TMEM131: variants seen among roughly 807,000 people sequenced by gnomAD.
TMEM131 encodes 2610524E03Rik.
A neutral mutation model predicts 211.6 loss-of-function variants in TMEM131; 66 were observed. The ratio of observed to expected loss-of-function variants is 0.31; its 90% CI spans 0.26 to 0.38. The LOEUF (loss-of-function observed/expected upper bound fraction) is 0.38. Ranked by LOEUF, TMEM131 falls within the 10% of genes least tolerant of loss-of-function variation. TMEM131 has a pLI of 1.00. For missense variants in TMEM131, 2,036 were observed against 2,299.3 expected (o/e 0.89, Z 2.34); for synonymous variants, 844 against 841.3 (o/e 1.00, Z -0.06).
chr2:97,908,366 A>G (rs756116216), intron 3 of TMEM131, among the ~76,000 whole-genome samples: 4 of 152,178 alleles, frequency 2.6e-5, no homozygotes, highest in African/African-American at 4.8e-5. Context: ...TAGCCACAAG[A>G]GAAGCCTCTA....
chr2:97,959,157 CAGG>C (rs1416096684), intron 1 of TMEM131, among the ~76,000 whole-genome samples: 2 of 152,106 alleles, frequency 1.3e-5, no homozygotes, highest in African/African-American at 2.4e-5. Flanking sequence ...GTCAAGAAAA[CAGG>C]AGAAGAGAAA....
intron 1 of TMEM131, among the ~76,000 whole-genome samples, chr2:97,991,273 G>A (rs1480440234): frequency 1.3e-5 from 2 of 152,118 alleles, no homozygotes; most frequent in African/African-American, 2.4e-5. Flanking sequence ...ACACAATTAG[G>A]TGTCAAAATG....
At chr2:97,809,379 G>A (rs1026217722) in intron 19 of TMEM131, among the ~76,000 whole-genome samples, 4 of 152,082 alleles carry the variant, frequency 2.6e-5, no homozygotes, top group Admixed American at 2.0e-4. Context: ...ATTCTAAGCT[G>A]GCTCCCATAG....
chr2:97,857,507 T>C (rs1165497423), intron 5 of TMEM131, among the ~76,000 whole-genome samples: 1 of 152,254 alleles, frequency 6.6e-6, no homozygotes, highest in Non-Finnish European at 1.5e-5. Flanking sequence ...TTGCTTGACT[T>C]AGCAAAAAGT....
chr2:97,961,152 G>A (rs1319378903), intron 1 of TMEM131, among the ~76,000 whole-genome samples: 4 of 150,626 alleles, frequency 2.7e-5, no homozygotes, highest in Non-Finnish European at 5.9e-5. Flanking sequence ...AAAAAAAGGT[G>A]CTATTAGAAC....
intron 1 of TMEM131, among the ~76,000 whole-genome samples, chr2:97,950,618 C>A (rs1372540887): frequency 6.6e-6 from 1 of 152,146 alleles, no homozygotes; most frequent in African/African-American, 2.4e-5. Context: ...CAGTTAACAT[C>A]ACTGACTTAG....
intron 7 of TMEM131, among the ~76,000 whole-genome samples, chr2:97,839,319 CCAACCAACCAA>C (rs1683084842): frequency 2.1e-5 from 1 of 47,316 alleles, no homozygotes; most frequent in African/African-American, 2.9e-4. Flanking sequence ...GGAAAACCAA[CCAACCAACCAA>C]CCAACCAACC....
intron 31 of TMEM131, among the ~76,000 whole-genome samples, chr2:97,776,448 T>G (rs765859061): frequency 6.8e-6 from 1 of 147,028 alleles, no homozygotes; most frequent in Non-Finnish European, 1.5e-5. Flanking sequence ...AAAAGGTTTC[T>G]TTTTTTCTTC....
At chr2:97,938,472 G>T (rs535284387) in intron 1 of TMEM131, among the ~76,000 whole-genome samples, 3 of 152,136 alleles carry the variant, frequency 2.0e-5, no homozygotes, top group Non-Finnish European at 4.4e-5. Context: ...TCAACAAGAA[G>T]AACTAACTAT....
intron 1 of TMEM131, among the ~76,000 whole-genome samples, chr2:97,973,612 C>T (rs1477407096): frequency 6.6e-6 from 1 of 152,206 alleles, no homozygotes; most frequent in African/African-American, 2.4e-5. Flanking sequence ...CGGTGAAGTA[C>T]TGATCAGTGC....
chr2:97,925,461 T>A (rs1223724129), intron 2 of TMEM131, among the ~76,000 whole-genome samples: 2 of 152,210 alleles, frequency 1.3e-5, no homozygotes, highest in East Asian at 3.9e-4. Flanking sequence ...TTCTGGATGC[T>A]AAATCTTAGT....
chr2:97,789,578 T>C (rs555228330), intron 31 of TMEM131, among the ~76,000 whole-genome samples: 1 of 152,350 alleles, frequency 6.6e-6, no homozygotes, highest in South Asian at 2.1e-4. Flanking sequence ...ACCTGCCTAA[T>C]GGCAGAACGT....
intron 1 of TMEM131, among the ~76,000 whole-genome samples, chr2:97,948,358 A>G (rs1678143090): frequency 6.6e-6 from 1 of 152,204 alleles, no homozygotes; most frequent in Non-Finnish European, 1.5e-5. Flanking sequence ...ATAAGAAAAC[A>G]AACAGCTCAA....
At chr2:97,958,489 T>C (rs1678671950) in intron 1 of TMEM131, among the ~76,000 whole-genome samples, 2 of 152,194 alleles carry the variant, frequency 1.3e-5, no homozygotes, top group Admixed American at 1.3e-4. Flanking sequence ...GTGGAGTTCT[T>C]GGACCACTGC....
At chr2:97,831,352 C>G (rs1337032693) in intron 11 of TMEM131, among the ~76,000 whole-genome samples, 1 of 152,138 alleles carries the variant, frequency 6.6e-6, no homozygotes, top group Non-Finnish European at 1.5e-5. Flanking sequence ...GTAGGGAACC[C>G]CAGTGGTCTG....
At chr2:97,865,803 T>C (rs745453745) in intron 4 of TMEM131, among the ~76,000 whole-genome samples, 18 of 152,226 alleles carry the variant, frequency 1.2e-4, no homozygotes, top group Non-Finnish European at 2.1e-4. Flanking sequence ...TTGGGAATAA[T>C]TGGTATTAAT....
intron 11 of TMEM131, among the ~76,000 whole-genome samples, chr2:97,826,850 A>T (rs1166874489): frequency 6.6e-6 from 1 of 152,144 alleles, no homozygotes; most frequent in African/African-American, 2.4e-5. Context: ...GTAAACAAGG[A>T]CATAGCCTGA....
chr2:97,960,533 T>C (rs1678770763), intron 1 of TMEM131, among the ~76,000 whole-genome samples: 1 of 152,152 alleles, frequency 6.6e-6, no homozygotes. Flanking sequence ...CGACACAAAA[T>C]GATCCAGTAT....
Position 97,758,829 on chromosome 2 carries a change from A to C in TMEM131, c.5367+64T>G, listed in dbSNP as rs147830988. ...ACTATGTCAGTGCCATCCATGTCAC[A>C]GCAATGGCAGATGGCGAGTGGGTGG... On this transcript the variant is annotated intron_variant, in intron 40 of 40. Transcript: ENST00000186436. 186 of 1,547,730 alleles carry C rather than the reference A, an allele frequency of 1.2e-4. 1 individual carries two copies. The highest frequency in any genetic ancestry group is 1.6e-4 in the Non-Finnish European group (182 of 1,143,968).
Sources: allele counts gnomAD v4.1 joint callset (sites outside exome capture counted in the v4.1 genomes callset), GRCh38; gene constraint gnomAD v4.1.1; transcripts MANE v1.5; gene names NCBI Gene and HGNC (gene_info 2026-07-23, HGNC 2026-07-21).